The following FAM227B variants were observed in gnomAD, a reference collection of about 807,000 sequenced individuals.
The protein encoded by FAM227B is protein FAM227B.
FAM227B carries 88 observed loss-of-function variants against 73.8 expected under a neutral mutation model. That is an observed-to-expected ratio of 1.19 (90% CI 1.00 to 1.42). The LOEUF (loss-of-function observed/expected upper bound fraction) is 1.42, where lower values mean the gene tolerates loss of function less well. Among genes scored for constraint, FAM227B ranks in the 40% most tolerant of loss-of-function variants. The pLI, the probability that FAM227B is intolerant of heterozygous loss-of-function variation, is 0.00. For synonymous variants in FAM227B, 210 were observed against 190.5 expected, an observed-to-expected ratio of 1.10 and a Z score of -0.84; for missense variants, 632 against 590.9, an observed-to-expected ratio of 1.07 and a Z score of -0.72.
chr15:49,423,613 T>C (rs1374056628), intron 11 of FAM227B, among the ~76,000 whole-genome samples: 1 of 152,118 alleles, frequency 6.6e-6, no homozygotes, highest in African/African-American at 2.4e-5. Context: ...TCCAGAGCAA[T>C]CCTGACATTT....
chr15:49,565,543 T>C (rs2074588773), intron 9 of FAM227B, among the ~76,000 whole-genome samples: 1 of 152,168 alleles, frequency 6.6e-6, no homozygotes, highest in Non-Finnish European at 1.5e-5. Context: ...ACTATTTGCA[T>C]ACTCTGCATT....
chr15:49,541,891 A>T (rs1365088200), intron 9 of FAM227B, 85 bp from the exon 10 acceptor site: 2 of 1,067,140 alleles, frequency 1.9e-6, no homozygotes, highest in Admixed American at 4.1e-5. Context: ...TTATTTTTTA[A>T]ATTTGCCTTG....
At chr15:49,351,686 G>C (rs1259270486) in intron 13 of FAM227B, among the ~76,000 whole-genome samples, 1 of 152,172 alleles carries the variant, frequency 6.6e-6, no homozygotes, top group African/African-American at 2.4e-5. Context: ...GGTTTCAAGG[G>C]AATAAAGTAA....
intron 11 of FAM227B, among the ~76,000 whole-genome samples, chr15:49,436,946 C>G (rs188459687): frequency 7.3e-4 from 111 of 151,718 alleles, no homozygotes; most frequent in Non-Finnish European, 1.2e-3. Flanking sequence ...TAAAAACTTA[C>G]TCCAAGTTTC....
At chr15:49,386,079 A>AC (rs1483776880) in intron 11 of FAM227B, among the ~76,000 whole-genome samples, 1 of 151,880 alleles carries the variant, frequency 6.6e-6, no homozygotes, top group Admixed American at 6.6e-5. Flanking sequence ...CACTGACAGC[A>AC]CTAGCAGATC....
chr15:49,559,235 T>C (rs112606984), intron 9 of FAM227B, among the ~76,000 whole-genome samples: 2 of 152,292 alleles, frequency 1.3e-5, no homozygotes, highest in African/African-American at 4.8e-5. Context: ...GAGTCTTTAG[T>C]GCACTTCATA....
At chr15:49,479,608 T>TG (rs1401058875) in intron 11 of FAM227B, among the ~76,000 whole-genome samples, 1 of 127,034 alleles carries the variant, frequency 7.9e-6, no homozygotes, top group African/African-American at 3.4e-5. Context: ...TGTTTTTTTT[T>TG]TTTTTTTTTT....
At chr15:49,338,949 A>C (rs2040240179) in intron 13 of FAM227B, among the ~76,000 whole-genome samples, 1 of 152,038 alleles carries the variant, frequency 6.6e-6, no homozygotes. Context: ...TGCTTCACGA[A>C]GTTCTCATGC....
chr15:49,508,525 G>C (rs1354377178), intron 10 of FAM227B, among the ~76,000 whole-genome samples, 177 bp from the exon 11 acceptor site: 1 of 151,814 alleles, frequency 6.6e-6, no homozygotes, highest in Non-Finnish European at 1.5e-5. Context: ...CTAAACATCT[G>C]TATCCTCAGC....
chr15:49,395,524 A>T (rs1355682130), intron 11 of FAM227B, among the ~76,000 whole-genome samples: 1 of 152,210 alleles, frequency 6.6e-6, no homozygotes, highest in Non-Finnish European at 1.5e-5. Context: ...AATCAGGGTT[A>T]GCATAGGCAG....
At chr15:49,495,247 C>T (rs892606148) in intron 11 of FAM227B, among the ~76,000 whole-genome samples, 4 of 152,090 alleles carry the variant, frequency 2.6e-5, no homozygotes, top group Admixed American at 6.6e-5. Flanking sequence ...AGTTAAATAA[C>T]TTGAAATTGC....
chr15:49,564,565 A>G (rs530070440), intron 9 of FAM227B, among the ~76,000 whole-genome samples: 100 of 152,344 alleles, frequency 6.6e-4, no homozygotes, highest in African/African-American at 2.4e-3. Context: ...ACTGTTCACA[A>G]TAGCAAAGAC....
intron 11 of FAM227B, among the ~76,000 whole-genome samples, chr15:49,397,442 G>C (rs1426528338): frequency 6.6e-6 from 1 of 152,054 alleles, no homozygotes; most frequent in Non-Finnish European, 1.5e-5. Flanking sequence ...TTATCCAGGA[G>C]AACTTCCCCA....
At chr15:49,521,066 G>A (rs2152167073) in intron 10 of FAM227B, among the ~76,000 whole-genome samples, 1 of 152,292 alleles carries the variant, frequency 6.6e-6, no homozygotes, top group South Asian at 2.1e-4. Flanking sequence ...CAGCCAGATT[G>A]TGCATGTGTG....
intron 11 of FAM227B, among the ~76,000 whole-genome samples, chr15:49,411,223 T>A (rs2048855884): frequency 6.6e-6 from 1 of 151,992 alleles, no homozygotes; most frequent in Non-Finnish European, 1.5e-5. Context: ...TATAATTTTA[T>A]CTGTAAACCA....
chr15:49,365,399 T>G, intron 13 of FAM227B: 1 of 1,121,534 alleles, frequency 8.9e-7, no homozygotes, highest in Non-Finnish European at 1.4e-6. Context: ...AGAACCAGTC[T>G]AAACATCAAC....
At chr15:49,365,341 C>G in intron 13 of FAM227B, 2 of 1,556,844 alleles carry the variant, frequency 1.3e-6, no homozygotes, top group East Asian at 4.5e-5. Flanking sequence ...ATGTAAGTAT[C>G]ATGCCAATAG....
chr15:49,581,661 G>A (rs1210294195), intron 5 of FAM227B, among the ~76,000 whole-genome samples: 2 of 152,052 alleles, frequency 1.3e-5, no homozygotes, highest in African/African-American at 4.8e-5. Flanking sequence ...TAAGAATTTC[G>A]TATCTAGCCA....
At chr15:49,488,580 T>C (rs998244260) in intron 11 of FAM227B, 2 of 151,978 alleles carry the variant, frequency 1.3e-5, no homozygotes, top group African/African-American at 4.8e-5. Context: ...TATCATGTGG[T>C]TGCATTTTCC....
Sources: allele counts gnomAD v4.1 joint callset (sites outside exome capture counted in the v4.1 genomes callset), GRCh38; gene constraint gnomAD v4.1.1; transcripts MANE v1.5; gene names NCBI Gene and HGNC (gene_info 2026-07-23, HGNC 2026-07-21).